MTRES1: variants seen among roughly 807,000 people sequenced by gnomAD.
MTRES1 encodes uncharacterized protein C6orf203.
MTRES1 carries 11 observed loss-of-function variants against 17.4 expected under a neutral mutation model. That is an observed-to-expected ratio of 0.63 (90% CI 0.40 to 1.05). The LOEUF (loss-of-function observed/expected upper bound fraction) is 1.05, where lower values mean the gene tolerates loss of function less well. Ranked by LOEUF, MTRES1 falls within the 50% of genes least tolerant of loss-of-function variation. The pLI is 0.00. For synonymous variants in MTRES1, 94 were observed against 99.6 expected (o/e 0.94, Z 0.34); for missense variants, 268 against 276.2 (o/e 0.97, Z 0.21).
At chr6:107,031,244 G>A (rs559043427) in intron 1 of MTRES1, among the ~76,000 whole-genome samples, 5 of 151,948 alleles carry the variant, frequency 3.3e-5, no homozygotes, top group Admixed American at 2.0e-4. Context: ...GCCGGGTGTG[G>A]TGGTGGGCGC....
At chr6:107,030,514 T>C (rs900666070) in intron 1 of MTRES1, among the ~76,000 whole-genome samples, 1 of 152,158 alleles carries the variant, frequency 6.6e-6, no homozygotes, top group African/African-American at 2.4e-5. Flanking sequence ...GGTGCAGTCT[T>C]CTAAGAGTCC....
chr6:107,029,460 T>C (rs1773756801), intron 1 of MTRES1, among the ~76,000 whole-genome samples: 1 of 151,762 alleles, frequency 6.6e-6, no homozygotes, highest in African/African-American at 2.4e-5. Flanking sequence ...GTGCTGGGAT[T>C]ACAGGCGTGA....
intron 3 of MTRES1, among the ~76,000 whole-genome samples, chr6:107,046,121 T>G (rs1035288291): frequency 6.6e-6 from 1 of 152,208 alleles, no homozygotes; most frequent in African/African-American, 2.4e-5. Flanking sequence ...TGGCTGGCTG[T>G]CAGCAGCTAT....
In MTRES1 at chr6:107,039,848, C is replaced by G. The variant is rs782097409; in HGVS notation, c.88C>G (p.Pro30Ala). The change falls in exon 2 of 4, where the codon CCT (proline) becomes GCT (alanine). Residue 30 changes from proline (P) to alanine (A), a missense_variant. Pro to Ala is a conservative substitution (Grantham distance 27). Coordinates refer to ENST00000311381, the MANE Select transcript of MTRES1 (RefSeq NM_016487.5). ...IGLWGVLRGT[P>A]SSYKLCTSWN... is the part of the protein sequence containing the mutation. ...ACTCTGGGGTGTTCTCCGAGGGACA[C>G]CTTCATCATACAAACTCTGTACTTC... 6.2e-7 allele frequency: 1 copy of G among 1,614,010 alleles called. No individual in the cohort carries two copies. Among genetic ancestry groups the G allele is most frequent in the East Asian group, 2.2e-5 (1 of 44,902 alleles).
chr6:107,046,992 C>T (rs896440295), intron 3 of MTRES1, among the ~76,000 whole-genome samples: 36 of 143,048 alleles, frequency 2.5e-4, no homozygotes, highest in African/African-American at 6.1e-4. Context: ...TTAGTAGAGA[C>T]GGGGTTTCAC....
At chr6:107,050,275 G>A (rs1000083621) in intron 3 of MTRES1, among the ~76,000 whole-genome samples, 4 of 152,220 alleles carry the variant, frequency 2.6e-5, no homozygotes, top group Non-Finnish European at 5.9e-5. Context: ...CTACCTTTGT[G>A]AGTGAGTTGA....
intron 2 of MTRES1, among the ~76,000 whole-genome samples, chr6:107,043,719 G>T (rs1332735382): frequency 6.6e-6 from 1 of 152,170 alleles, no homozygotes; most frequent in Non-Finnish European, 1.5e-5. Flanking sequence ...GGTGGCAGAG[G>T]CTAAAGGAAA....
chr6:107,051,109 G>A lies in MTRES1; in HGVS notation c.596G>A (p.Gly199Glu), dbSNP rs1554229158. 6.2e-7 allele frequency: 1 copy of A among 1,613,832 alleles called. No homozygotes were observed. Among genetic ancestry groups the A allele is most frequent in the East Asian group, 2.2e-5 (1 of 44,876 alleles). Residue 199 changes from glycine to glutamate, a missense_variant, in exon 4 of 4, where the codon GGA becomes GAA. Transcript: ENST00000311381. ...CTCATTGGAGAGGATAAAGAAGCAG[G>A]AACAGAGACAGTTATGCGGATTCTC... ...DLLIGEDKEA[G>E]TETVMRILLK...
intron 3 of MTRES1, among the ~76,000 whole-genome samples, chr6:107,050,482 A>G (rs1554229027): frequency 6.7e-6 from 1 of 148,308 alleles, no homozygotes; most frequent in Admixed American, 6.7e-5. Flanking sequence ...ACAGCCAGCC[A>G]GTTGTCTAGT....
rs531945434 is a variant in MTRES1, at chr6:107,049,558, C to T, written c.544-1499C>T. On this transcript the variant is annotated intron_variant, in intron 3 of 3. Coordinates refer to ENST00000311381, the MANE Select transcript of MTRES1 (RefSeq NM_016487.5). The stretch of plus-strand genomic sequence containing the variant: ...CCTCCCGAGTAGCTAGAACTACAGG[C>T]GCCCGCCACCACACCCAGCTAATTT... Among the ~76,000 whole-genome samples, 9 of 151,476 alleles carry T rather than the reference C, an allele frequency of 5.9e-5. No individual in the cohort carries two copies. The South Asian group carries it at 1.3e-3, about 21-fold the overall frequency.
chr6:107,029,741 C>G (rs1331661336), intron 1 of MTRES1, among the ~76,000 whole-genome samples: 1 of 152,060 alleles, frequency 6.6e-6, no homozygotes, highest in African/African-American at 2.4e-5. Context: ...GCCTCAGCCT[C>G]CCCAAGTACT....
At chr6:107,030,084 G>T in intron 1 of MTRES1, 1 of 718,018 alleles carries the variant, frequency 1.4e-6, no homozygotes, top group South Asian at 1.5e-5. Context: ...AATTCCTAGT[G>T]CCCAGATTAG....
intron 3 of MTRES1, among the ~76,000 whole-genome samples, chr6:107,050,709 T>G (rs1426169771): frequency 1.3e-5 from 2 of 152,040 alleles, no homozygotes; most frequent in Non-Finnish European, 2.9e-5. Context: ...TCCGAGTATT[T>G]GGGATCACAG....
In MTRES1 at chr6:107,040,170, A is replaced by T; in HGVS notation, c.410A>T (p.Lys137Ile). 6.2e-7 allele frequency: 1 copy of T among 1,611,672 alleles called. No homozygotes were observed. Among genetic ancestry groups the T allele is most frequent in the Admixed American group, 1.7e-5 (1 of 59,410 alleles). ...TVVKNYKDLE[K>I]AVQSFRYDVV... The stretch of plus-strand genomic sequence containing the variant: ...GTCAAAAACTATAAAGACCTGGAAA[A>T]AGCAGTTCAGTCTTTTCGGTATGAT... Residue 137 changes from lysine to isoleucine, a missense_variant, in exon 2 of 4, where the codon AAA becomes ATA. By Grantham distance (102) the Lys-to-Ile change is moderately radical. Coordinates refer to ENST00000311381, the MANE Select transcript of MTRES1 (RefSeq NM_016487.5).
At chr6:107,041,080 G>C (rs1582607219) in intron 2 of MTRES1, among the ~76,000 whole-genome samples, 1 of 150,850 alleles carries the variant, frequency 6.6e-6, no homozygotes, top group Non-Finnish European at 1.5e-5. Context: ...CAAAAAATTA[G>C]CCAGGCGTGG....
Position 107,034,987 on chromosome 6 carries a change from T to TA in MTRES1, c.-12-4753dup, listed in dbSNP as rs112388814. 4.0e-3 allele frequency among the ~76,000 whole-genome samples: 599 copies of TA among 151,052 alleles called. 5 individuals carry two copies. The highest frequency in any genetic ancestry group is 0.04 in the South Asian group (189 of 4,774). Reference sequence around the variant, plus strand: ...GGGCAACAAGAGTGAATCTCCGTCTTAAAAAAAAAGAAGACTTGACCTTGG... The same window carrying TA: ...GGGCAACAAGAGTGAATCTCCGTCTTAAAAAAAAAAGAAGACTTGACCTTGG... On this transcript the variant is annotated intron_variant, in intron 1 of 3. Transcript: ENST00000311381.
chr6:107,036,159 A>G (rs1164407479), intron 1 of MTRES1, among the ~76,000 whole-genome samples: 10 of 152,298 alleles, frequency 6.6e-5, no homozygotes, highest in African/African-American at 2.4e-4. Context: ...GTGGCTATAC[A>G]AACCTGTGAC....
At position 107,051,402 on chromosome 6, in the gene MTRES1, C is replaced by T; in HGVS notation, c.*166C>T. The T allele has an allele frequency of 8.4e-6, 5 of 591,988 alleles. No individual in the cohort carries two copies. Among genetic ancestry groups the T allele is most frequent in the South Asian group, 4.1e-5 (2 of 48,322 alleles). The allele number at this position is 591,988 out of a possible 1,614,324, so 36.7% of individuals were successfully genotyped here. Reference sequence around the variant, plus strand: ...ATCTGGAGACACTTCCCAAGGCCTGCCTCACCTCCACCCCCTGCCCACCTT... The same window carrying T: ...ATCTGGAGACACTTCCCAAGGCCTGTCTCACCTCCACCCCCTGCCCACCTT... On this transcript the variant is annotated 3_prime_UTR_variant, in exon 4 of 4. Transcript: ENST00000311381.
Position 107,039,858 on chromosome 6 carries a change from A to G in MTRES1, c.98A>G (p.Tyr33Cys). 1.2e-6 allele frequency: 2 copies of G among 1,614,158 alleles called. No homozygotes were observed. The highest frequency in any genetic ancestry group is 1.7e-6 in the Non-Finnish European group (2 of 1,180,024). ...WGVLRGTPSS[Y>C]KLCTSWNRYL... ...GTTCTCCGAGGGACACCTTCATCAT[A>G]CAAACTCTGTACTTCCTGGAATCGA... Residue 33 changes from tyrosine (Y) to cysteine (C), a missense_variant, in exon 2 of 4, where the codon TAC (tyrosine) becomes TGC (cysteine). Transcript: ENST00000311381.
Sources: gnomAD v4.1 joint callset for allele counts (sites outside exome capture counted in the v4.1 genomes callset) on GRCh38, gnomAD v4.1.1 for gene constraint, MANE v1.5 for transcripts, NCBI Gene and HGNC (gene_info 2026-07-23, HGNC 2026-07-21) for gene names.